Variants in TNIK observed in about 807,000 individuals in gnomAD.
TNIK encodes TRAF2 and NCK interacting kinase.
A neutral mutation model predicts 191.3 loss-of-function variants in TNIK; 49 were observed. The ratio of observed to expected loss-of-function variants is 0.26; its 90% CI spans 0.20 to 0.32. The LOEUF (loss-of-function observed/expected upper bound fraction) is 0.32. Among genes scored for constraint, TNIK ranks in the 10% least tolerant of loss-of-function variants. The pLI is 1.00. For missense variants in TNIK, 1,155 were observed against 1,702.3 expected, an observed-to-expected ratio of 0.68 and a Z score of 5.66; for synonymous variants, 594 against 600.9, an observed-to-expected ratio of 0.99 and a Z score of 0.17.
intron 1 of TNIK, among the ~76,000 whole-genome samples, chr3:171,387,353 C>T (rs1168857249): frequency 1.3e-5 from 2 of 152,140 alleles, no homozygotes; most frequent in East Asian, 1.9e-4. Context: ...TAGTGCAATG[C>T]TAACTACATA....
intron 3 of TNIK, among the ~76,000 whole-genome samples, chr3:171,217,576 GAATT>G (rs1343887351): frequency 6.6e-6 from 1 of 151,954 alleles, no homozygotes; most frequent in Non-Finnish European, 1.5e-5. Context: ...GAAGAAAAAA[GAATT>G]ATTTACTAAG....
intron 15 of TNIK, among the ~76,000 whole-genome samples, chr3:171,134,701 G>T (rs1031779424): frequency 1.3e-5 from 2 of 152,146 alleles, no homozygotes; most frequent in African/African-American, 4.8e-5. Context: ...AACAAGATTT[G>T]CAAATGACTG....
At chr3:171,094,929 C>T (rs769352989) in intron 22 of TNIK, among the ~76,000 whole-genome samples, 2 of 152,050 alleles carry the variant, frequency 1.3e-5, no homozygotes, top group South Asian at 2.1e-4. Flanking sequence ...TTACCCAGTA[C>T]CCAGCCTAGA....
chr3:171,127,448 A>G (rs886790729), intron 16 of TNIK, among the ~76,000 whole-genome samples: 2 of 152,080 alleles, frequency 1.3e-5, no homozygotes, highest in African/African-American at 4.8e-5. Flanking sequence ...AATAAAAAAA[A>G]CCACACCACA....
intron 18 of TNIK, among the ~76,000 whole-genome samples, chr3:171,121,676 TA>T (rs1442285879): frequency 6.6e-6 from 1 of 152,194 alleles, no homozygotes; most frequent in Non-Finnish European, 1.5e-5. Flanking sequence ...TCACTAAACT[TA>T]TGGTGATTAT....
At chr3:171,192,541 G>A (rs1369117594) in intron 5 of TNIK, among the ~76,000 whole-genome samples, 2 of 152,160 alleles carry the variant, frequency 1.3e-5, no homozygotes, top group Admixed American at 6.5e-5. Context: ...ATGTGTGAAA[G>A]GTATTGAGAG....
intron 2 of TNIK, among the ~76,000 whole-genome samples, chr3:171,340,339 A>C (rs1757391626): frequency 6.6e-6 from 1 of 152,212 alleles, no homozygotes; most frequent in Admixed American, 6.5e-5. Flanking sequence ...AGTATTGTAA[A>C]CCAGTTCTAA....
chr3:171,334,332 G>A (rs1346852694), intron 2 of TNIK, among the ~76,000 whole-genome samples: 1 of 152,156 alleles, frequency 6.6e-6, no homozygotes, highest in African/African-American at 2.4e-5. Flanking sequence ...AAACTGGAAG[G>A]CGCCTTCCTG....
chr3:171,171,638 A>C (rs1735296535), intron 9 of TNIK, among the ~76,000 whole-genome samples: 1 of 152,198 alleles, frequency 6.6e-6, no homozygotes, highest in Admixed American at 6.5e-5. Flanking sequence ...TCTTATACTT[A>C]ATGGAGCCAT....
intron 2 of TNIK, among the ~76,000 whole-genome samples, chr3:171,243,156 TC>T (rs1325539714): frequency 1.3e-5 from 2 of 152,156 alleles, no homozygotes; most frequent in African/African-American, 4.8e-5. Flanking sequence ...AACAGGAGTG[TC>T]CGGATAAGGT....
chr3:171,255,204 C>A (rs1195998733), intron 2 of TNIK, among the ~76,000 whole-genome samples: 3 of 152,148 alleles, frequency 2.0e-5, no homozygotes, highest in Non-Finnish European at 4.4e-5. Context: ...AAAGAAACAT[C>A]TGGCCAACAA....
intron 4 of TNIK, among the ~76,000 whole-genome samples, chr3:171,209,685 T>C (rs1229769704): frequency 6.6e-6 from 1 of 152,164 alleles, no homozygotes; most frequent in African/African-American, 2.4e-5. Flanking sequence ...ATAAACTATA[T>C]AAAATGTGTT....
At chr3:171,338,071 C>T (rs990171034) in intron 2 of TNIK, among the ~76,000 whole-genome samples, 1 of 152,154 alleles carries the variant, frequency 6.6e-6, no homozygotes, top group Non-Finnish European at 1.5e-5. Flanking sequence ...GGCTCTTCTA[C>T]GTGGACCTAT....
chr3:171,183,759 A>G (rs1478606100), intron 7 of TNIK, among the ~76,000 whole-genome samples: 3 of 152,130 alleles, frequency 2.0e-5, no homozygotes, highest in African/African-American at 7.2e-5. Flanking sequence ...TGTCTCTACT[A>G]AAAACACAAA....
rs35492114 is a variant in TNIK, at chr3:171,139,378, G to GCGCACA, written c.1419+91_1419+92insTGTGCG. The stretch of plus-strand genomic sequence containing the variant: ...ATGTTAGAAGGACACACGCACGCGC[G>GCGCACA]CACACACACACACACACACACACAC... On this transcript the variant is annotated intron_variant, in intron 14 of 32. Transcript: ENST00000436636. 1,281 of 692,652 alleles carry GCGCACA rather than the reference G, an allele frequency of 1.8e-3. 3 individuals are homozygous for GCGCACA. The highest frequency in any genetic ancestry group is 0.012 in the African/African-American group (643 of 53,162). 42.9% of individuals were successfully genotyped at this position (692,652 alleles called of 1,614,324 possible).
intron 25 of TNIK, 115 bp from the exon 26 acceptor site, chr3:171,084,440 G>T (rs1721083968): frequency 8.7e-7 from 1 of 1,150,938 alleles, no homozygotes; most frequent in South Asian, 1.8e-5. Context: ...TAAAGGCAAG[G>T]AAACTCTGAA....
intron 21 of TNIK, chr3:171,106,864 C>A: frequency 2.0e-6 from 1 of 511,974 alleles, no homozygotes; most frequent in Non-Finnish European, 3.9e-6. Context: ...CCTAGCAAGG[C>A]TGGCAAGTAC....
intron 1 of TNIK, among the ~76,000 whole-genome samples, chr3:171,433,096 T>A (rs2108664294): frequency 6.6e-6 from 1 of 152,260 alleles, no homozygotes; most frequent in East Asian, 1.9e-4. Context: ...ATGGGGACAT[T>A]AAAGGATTCC....
intron 1 of TNIK, among the ~76,000 whole-genome samples, chr3:171,439,082 C>T (rs1453461720): frequency 1.3e-5 from 2 of 152,174 alleles, no homozygotes; most frequent in African/African-American, 4.8e-5. Context: ...CAGTGGCTCA[C>T]GCCTGTAATC....
Sources: gnomAD v4.1 joint callset for allele counts (sites outside exome capture counted in the v4.1 genomes callset) on GRCh38, gnomAD v4.1.1 for gene constraint, MANE v1.5 for transcripts, NCBI Gene and HGNC (gene_info 2026-07-23, HGNC 2026-07-21) for gene names.